GARRE1: variants seen among roughly 807,000 people sequenced by gnomAD.
GARRE1 encodes granule associated Rac and RHOG effector protein 1.
GARRE1 carries 49 observed loss-of-function variants against 103.2 expected under a neutral mutation model. The ratio of observed to expected loss-of-function variants is 0.47; its 90% CI spans 0.38 to 0.60. The LOEUF is 0.60. GARRE1 is among the 20% of genes least tolerant of loss of function. The probability of loss-of-function intolerance (pLI) is 0.00; values close to 1 mark genes in which losing one functional copy is unlikely to be tolerated. For synonymous variants in GARRE1, 505 were observed against 532.8 expected, an observed-to-expected ratio of 0.95 and a Z score of 0.72; for missense variants, 1,199 against 1,370.5, an observed-to-expected ratio of 0.87 and a Z score of 1.98.
intron 2 of GARRE1, among the ~76,000 whole-genome samples, chr19:34,317,904 G>T (rs1329946036): frequency 6.6e-6 from 1 of 152,154 alleles, no homozygotes; most frequent in Non-Finnish European, 1.5e-5. Flanking sequence ...CCTGGCACCT[G>T]TCTAACTGGC....
chr19:34,307,352 G>A (rs2074011751), intron 2 of GARRE1, among the ~76,000 whole-genome samples: 1 of 152,046 alleles, frequency 6.6e-6, no homozygotes, highest in African/African-American at 2.4e-5. Flanking sequence ...CCTCAGTGTT[G>A]AGAGGTGTTG....
At position 34,330,808 on chromosome 19, in the gene GARRE1, A is replaced by G. The variant is rs955743884; in HGVS notation, c.1263+461A>G. 4.7e-5 allele frequency among the ~76,000 whole-genome samples: 7 copies of G among 148,644 alleles called. No homozygotes were observed. In the Admixed American group the frequency reaches 4.8e-4, roughly 10 times the overall value. ...GCCCAGGCTGCAGTGCAGTGGCGCA[A>G]TCTCAACTCGCCGCCTTCTGGGCTC... On this transcript the variant is annotated intron_variant, in intron 7 of 13. Coordinates refer to ENST00000299505, the MANE Select transcript of GARRE1 (RefSeq NM_014686.5).
intron 1 of GARRE1, among the ~76,000 whole-genome samples, chr19:34,267,441 A>G (rs1346116401): frequency 1.3e-5 from 2 of 151,798 alleles, no homozygotes; most frequent in African/African-American, 2.4e-5. Context: ...CCTGAGCTCA[A>G]GCAGTCCTCC....
chr19:34,293,180 A>G (rs1428369569), intron 1 of GARRE1, among the ~76,000 whole-genome samples: 1 of 152,180 alleles, frequency 6.6e-6, no homozygotes, highest in African/African-American at 2.4e-5. Flanking sequence ...CTCTCTAAAC[A>G]GTTGTAGTGT....
chr19:34,278,159 C>CTTGG (rs1295327340), intron 1 of GARRE1, among the ~76,000 whole-genome samples: 5 of 151,956 alleles, frequency 3.3e-5, no homozygotes, highest in African/African-American at 1.2e-4. Context: ...AACTGAAAGT[C>CTTGG]TTGGCCAGGC....
intron 7 of GARRE1, among the ~76,000 whole-genome samples, chr19:34,332,398 A>G (rs1599777347): frequency 6.6e-6 from 1 of 152,176 alleles, no homozygotes; most frequent in Non-Finnish European, 1.5e-5. Flanking sequence ...TGAAAGGAGT[A>G]TGCAAAATAA....
intron 12 of GARRE1, among the ~76,000 whole-genome samples, chr19:34,351,217 AATAAT>A (rs1457964305): frequency 6.9e-6 from 1 of 144,682 alleles, no homozygotes; most frequent in African/African-American, 2.5e-5. Context: ...AAAAAAATAA[AATAAT>A]AATAATAATA....
In GARRE1 at chr19:34,290,833, A is replaced by G. The variant is rs113111905; in HGVS notation, c.-795-8846A>G. 8.0e-3 allele frequency among the ~76,000 whole-genome samples: 1,179 copies of G among 148,212 alleles called. 8 individuals carry two copies. The highest frequency in any genetic ancestry group is 0.028 in the African/African-American group (1,100 of 39,804). On this transcript the variant is annotated intron_variant, in intron 1 of 13. Transcript: ENST00000299505. ...AAAGTTATAAAGAAATTTGGATCAA[A>G]ACTCAAAACTTGAAGTATAGTTTCT...
intron 3 of GARRE1, 59 bp from the exon 4 acceptor site, chr19:34,327,353 ATTGTTGGTC>A (rs2074116264): frequency 7.1e-7 from 1 of 1,407,834 alleles, no homozygotes; most frequent in Non-Finnish European, 9.9e-7. Flanking sequence ...TGTTGTTGTT[ATTGTTGGTC>A]TAATGTTGCT....
At chr19:34,330,447 A>T in intron 7 of GARRE1, 100 bp downstream of exon 7, 2 of 1,253,196 alleles carry the variant, frequency 1.6e-6, no homozygotes, top group South Asian at 1.4e-5. Flanking sequence ...TGAATAATTT[A>T]AAAAGTTATT....
At chr19:34,308,016 C>G (rs2074018778) in intron 2 of GARRE1, among the ~76,000 whole-genome samples, 1 of 151,052 alleles carries the variant, frequency 6.6e-6, no homozygotes, top group Non-Finnish European at 1.5e-5. Context: ...CAACAAATTT[C>G]TTTTGTATAC....
intron 2 of GARRE1, among the ~76,000 whole-genome samples, chr19:34,312,254 C>T (rs28723643): frequency 1.8e-4 from 27 of 152,018 alleles, no homozygotes; most frequent in Non-Finnish European, 3.4e-4. Context: ...GGGTAGCAGA[C>T]GTGACTAGAA....
At chr19:34,307,030 C>T (rs1417933494) in intron 2 of GARRE1, among the ~76,000 whole-genome samples, 3 of 152,110 alleles carry the variant, frequency 2.0e-5, no homozygotes, top group African/African-American at 2.4e-5. Flanking sequence ...GCGGAGGGAG[C>T]GCCGAGCACA....
chr19:34,311,906 C>T (rs1022645649), intron 2 of GARRE1, among the ~76,000 whole-genome samples: 2 of 152,044 alleles, frequency 1.3e-5, no homozygotes, highest in Non-Finnish European at 2.9e-5. Context: ...CCACCACACC[C>T]GGCAACATAG....
At chr19:34,256,567 TTTTA>T (rs1221173373) in intron 1 of GARRE1, among the ~76,000 whole-genome samples, 1 of 151,718 alleles carries the variant, frequency 6.6e-6, no homozygotes, top group Non-Finnish European at 1.5e-5. Context: ...CGTTTCATGG[TTTTA>T]TTTTTTTGCC....
At chr19:34,270,635 A>G (rs2073781747) in intron 1 of GARRE1, among the ~76,000 whole-genome samples, 1 of 152,146 alleles carries the variant, frequency 6.6e-6, no homozygotes, top group African/African-American at 2.4e-5. Flanking sequence ...CTCTGAACCC[A>G]TGGCATTTGT....
At chr19:34,348,842 T>C in intron 11 of GARRE1, 174 bp from the exon 12 acceptor site, 1 of 679,522 alleles carries the variant, frequency 1.5e-6, no homozygotes, top group Non-Finnish European at 2.5e-6. Context: ...GATGAATATG[T>C]ATTACTTTTG....
chr19:34,316,112 C>T (rs2074059316), intron 2 of GARRE1, among the ~76,000 whole-genome samples: 1 of 152,184 alleles, frequency 6.6e-6, no homozygotes, highest in Non-Finnish European at 1.5e-5. Flanking sequence ...CAGATCCCTA[C>T]TTATTACCTG....
chr19:34,328,571 T>G (rs2074123431), intron 6 of GARRE1, among the ~76,000 whole-genome samples: 1 of 151,928 alleles, frequency 6.6e-6, no homozygotes, highest in African/African-American at 2.4e-5. Context: ...ACGGAGACTT[T>G]AATCAGACAT....
Sources: allele counts gnomAD v4.1 joint callset (sites outside exome capture counted in the v4.1 genomes callset), GRCh38; gene constraint gnomAD v4.1.1; transcripts MANE v1.5; gene names NCBI Gene and HGNC (gene_info 2026-07-23, HGNC 2026-07-21).